The following PTPRD variants were observed in gnomAD, a reference collection of about 807,000 sequenced individuals.
The protein encoded by PTPRD is protein tyrosine phosphatase receptor type D.
A neutral mutation model predicts 214.5 loss-of-function variants in PTPRD; 34 were observed. That is an observed-to-expected ratio of 0.16 (90% confidence interval 0.12 to 0.21). PTPRD has a LOEUF of 0.21. PTPRD is among the 10% of genes least tolerant of loss of function. PTPRD has a pLI of 1.00. For synonymous variants in PTPRD, 1,128 were observed against 845.7 expected (o/e 1.33, Z -5.79); for missense variants, 2,545 against 2,398.7 (o/e 1.06, Z -1.27).
At chr9:8,517,099 C>A (rs1025647971) in intron 21 of PTPRD, among the ~76,000 whole-genome samples, 1 of 151,150 alleles carries the variant, frequency 6.6e-6, no homozygotes, top group Non-Finnish European at 1.5e-5. Flanking sequence ...AGCCACTGTG[C>A]GTGGCTCAAG....
chr9:9,269,164 C>T (rs1941641488), intron 9 of PTPRD, among the ~76,000 whole-genome samples: 2 of 151,250 alleles, frequency 1.3e-5, no homozygotes, highest in African/African-American at 4.8e-5. Flanking sequence ...AACTCAACAA[C>T]AATAAAGCTA....
intron 39 of PTPRD, among the ~76,000 whole-genome samples, chr9:8,360,959 A>T (rs2078318093): frequency 6.6e-6 from 1 of 152,170 alleles, no homozygotes; most frequent in Non-Finnish European, 1.5e-5. Context: ...CCATGATTCA[A>T]TGTGCACATA....
chr9:8,409,837 A>G (rs1564611594), intron 35 of PTPRD, among the ~76,000 whole-genome samples: 1 of 152,320 alleles, frequency 6.6e-6, no homozygotes, highest in South Asian at 2.1e-4. Context: ...ATTTAATTAT[A>G]TAGAAGGAAT....
chr9:8,437,264 T>TA, intron 34 of PTPRD: 1 of 1,468,964 alleles, frequency 6.8e-7, no homozygotes, highest in Non-Finnish European at 9.1e-7. Context: ...ATGGTGTAAA[T>TA]AAAATAAAAT....
At chr9:10,293,637 A>C (rs2095593820) in intron 3 of PTPRD, among the ~76,000 whole-genome samples, 1 of 152,006 alleles carries the variant, frequency 6.6e-6, no homozygotes, top group Admixed American at 6.6e-5. Context: ...CAGTAACTTT[A>C]TGAATCCCCT....
intron 36 of PTPRD, among the ~76,000 whole-genome samples, chr9:8,403,157 G>C (rs574082958): frequency 6.6e-6 from 1 of 152,138 alleles, no homozygotes; most frequent in African/African-American, 2.4e-5. Context: ...AATTTTGGAC[G>C]TTGAGGAAGC....
chr9:10,487,190 T>C (rs544148636), intron 2 of PTPRD, among the ~76,000 whole-genome samples: 40 of 152,246 alleles, frequency 2.6e-4, no homozygotes, highest in African/African-American at 9.1e-4. Flanking sequence ...GGTACCCTTA[T>C]AGGTGAAGTG....
intron 12 of PTPRD, among the ~76,000 whole-genome samples, chr9:8,726,802 A>G (rs763497317): frequency 1.7e-4 from 1 of 5,730 alleles, no homozygotes; most frequent in Non-Finnish European, 2.9e-4. Flanking sequence ...CTCCATCTCA[A>G]GAAAAAAAAA....
chr9:9,257,135 T>C (rs1300207692), intron 9 of PTPRD, among the ~76,000 whole-genome samples: 2 of 151,964 alleles, frequency 1.3e-5, no homozygotes, highest in Non-Finnish European at 2.9e-5. Context: ...CTAGAGATGA[T>C]CTAGTAAAAT....
chr9:8,380,477 G>C (rs549479352), intron 37 of PTPRD, among the ~76,000 whole-genome samples: 4 of 152,148 alleles, frequency 2.6e-5, no homozygotes, highest in Admixed American at 2.0e-4. Flanking sequence ...AACTGAGACA[G>C]TTCAGATTTT....
intron 14 of PTPRD, among the ~76,000 whole-genome samples, chr9:8,583,476 C>G (rs753470814): frequency 4.6e-5 from 7 of 151,976 alleles, no homozygotes; most frequent in Non-Finnish European, 1.0e-4. Context: ...CAAGCCACCA[C>G]GCATGGCTGG....
At chr9:8,995,455 C>G (rs1003393904) in intron 11 of PTPRD, among the ~76,000 whole-genome samples, 1 of 152,008 alleles carries the variant, frequency 6.6e-6, no homozygotes, top group African/African-American at 2.4e-5. Flanking sequence ...TTTCATTATT[C>G]TCTCTTCTTA....
intron 3 of PTPRD, among the ~76,000 whole-genome samples, chr9:10,038,669 C>T (rs1220919633): frequency 6.6e-6 from 1 of 152,116 alleles, no homozygotes; most frequent in Non-Finnish European, 1.5e-5. Flanking sequence ...ACTGCCTGCA[C>T]ACTTCAACAT....
chr9:9,660,456 C>A (rs1217554563), intron 7 of PTPRD, among the ~76,000 whole-genome samples: 1 of 151,818 alleles, frequency 6.6e-6, no homozygotes, highest in African/African-American at 2.4e-5. Flanking sequence ...GTGATGGGAT[C>A]TTGAATATAG....
At chr9:9,393,195 C>T (rs1298952179) in intron 9 of PTPRD, among the ~76,000 whole-genome samples, 1 of 139,146 alleles carries the variant, frequency 7.2e-6, no homozygotes, top group Non-Finnish European at 1.6e-5. Flanking sequence ...CCTGCAACAA[C>T]ATCTGGTGTG....
At position 9,007,242 on chromosome 9, in the gene PTPRD, T is replaced by C. The variant is rs182841194; in HGVS notation, c.-104+11455A>G. On this transcript the variant is annotated intron_variant, in intron 11 of 45. Coordinates refer to ENST00000381196, the MANE Select transcript of PTPRD (RefSeq NM_002839.4). ...GGAAAATATAAAAATTTAATTTCGA[T>C]AGACTTCTTCACTCTACCCTTCAAC... Among the ~76,000 whole-genome samples the C allele has an allele frequency of 7.3e-5, 11 of 151,428 alleles. No individual in the cohort carries two copies. In the East Asian group the frequency reaches 1.2e-3, roughly 16 times the overall value.
Position 10,362,805 on chromosome 9 carries a change from G to A in PTPRD, c.-599-21788C>T, listed in dbSNP as rs550905132. Among the ~76,000 whole-genome samples the A allele has an allele frequency of 1.4e-4, 21 of 152,208 alleles. No homozygotes were observed. The South Asian group carries it at 2.9e-3, about 21-fold the overall frequency. On this transcript the variant is annotated intron_variant, in intron 2 of 45. Coordinates refer to ENST00000381196, the MANE Select transcript of PTPRD (RefSeq NM_002839.4). ...TGAGGCAGAAGAATCGCTTGAACCC[G>A]GGAGGTGGAGGTGGCAGTGAGCCGA...
chr9:10,187,142 T>C (rs2099337469), intron 3 of PTPRD, among the ~76,000 whole-genome samples: 2 of 152,208 alleles, frequency 1.3e-5, no homozygotes, highest in Admixed American at 1.3e-4. Flanking sequence ...CTTCTTAATT[T>C]GATTGCCTGA....
Position 9,806,517 on chromosome 9 carries a change from T to C in PTPRD, c.-367-39666A>G, listed in dbSNP as rs145094158. ...GTAACATTCTCCCAGCCCTTGAGAA[T>C]GTACTTTGTAACATCCATCCCCTGC... On this transcript the variant is annotated intron_variant, in intron 5 of 45. Transcript: ENST00000381196. Among the ~76,000 whole-genome samples the C allele has an allele frequency of 8.6e-4, 131 of 152,244 alleles. 2 individuals carry two copies. In the East Asian group the frequency reaches 0.021, roughly 25 times the overall value.
Sources: gnomAD v4.1 joint callset for allele counts (sites outside exome capture counted in the v4.1 genomes callset) on GRCh38, gnomAD v4.1.1 for gene constraint, MANE v1.5 for transcripts, NCBI Gene and HGNC (gene_info 2026-07-23, HGNC 2026-07-21) for gene names.